The following FGF14 variants were observed in gnomAD, a reference collection of about 807,000 sequenced individuals.
The protein encoded by FGF14 is fibroblast growth factor 14, also known as fibroblast growth factor homologous factor 4.
FGF14 carries 5 observed loss-of-function variants against 25.5 expected under a neutral mutation model. The observed-to-expected ratio is 0.20, with a 90% CI of 0.10 to 0.41. The LOEUF is 0.41. FGF14 is among the 10% of genes least tolerant of loss of function. The pLI is 1.00. For synonymous variants in FGF14, 138 were observed against 118.3 expected (o/e 1.17, Z -1.08); for missense variants, 222 against 320.1 (o/e 0.69, Z 2.34).
At chr13:102,127,439 G>C (rs779130485) in intron 1 of FGF14, among the ~76,000 whole-genome samples, 2 of 152,078 alleles carry the variant, frequency 1.3e-5, no homozygotes, top group Non-Finnish European at 1.5e-5. Context: ...AAGTTGTAAC[G>C]CAAGGCTTCA....
At chr13:102,102,836 G>A (rs1386179997) in intron 1 of FGF14, among the ~76,000 whole-genome samples, 2 of 152,132 alleles carry the variant, frequency 1.3e-5, no homozygotes, top group Non-Finnish European at 2.9e-5. Flanking sequence ...TTACATTCAA[G>A]TAAAGGACTC....
intron 2 of FGF14, 60 bp downstream of exon 2, chr13:101,875,126 T>C (rs2045323464): frequency 8.8e-6 from 10 of 1,132,270 alleles, no homozygotes; most frequent in Non-Finnish European, 1.3e-5. Context: ...TAAAAAGTCA[T>C]TTAAGTAGCA....
At chr13:101,834,612 T>C (rs1040723725) in intron 3 of FGF14, among the ~76,000 whole-genome samples, 13 of 152,036 alleles carry the variant, frequency 8.6e-5, no homozygotes, top group Admixed American at 8.5e-4. Flanking sequence ...GAAAAAGAAC[T>C]GAATACATTT....
intron 1 of FGF14, among the ~76,000 whole-genome samples, chr13:102,122,867 T>C (rs1292170723): frequency 2.0e-5 from 3 of 152,212 alleles, no homozygotes; most frequent in Non-Finnish European, 4.4e-5. Context: ...ACTCTCTCCA[T>C]TTTACAGATG....
chr13:102,083,551 G>T (rs944520813), intron 1 of FGF14, among the ~76,000 whole-genome samples: 1 of 152,082 alleles, frequency 6.6e-6, no homozygotes, highest in Admixed American at 6.6e-5. Context: ...CAAGTCTTTA[G>T]ACAAAGCTTA....
At chr13:102,066,839 T>TG (rs1298172533) in intron 1 of FGF14, among the ~76,000 whole-genome samples, 1 of 152,202 alleles carries the variant, frequency 6.6e-6, no homozygotes, top group Non-Finnish European at 1.5e-5. Context: ...AGGCTGTCCA[T>TG]GAACCTCCAG....
intron 1 of FGF14, among the ~76,000 whole-genome samples, chr13:102,011,972 T>C (rs115084070): frequency 1.5e-3 from 233 of 152,282 alleles, no homozygotes; most frequent in African/African-American, 5.4e-3. Flanking sequence ...GGTAATAAAT[T>C]CGTTCTTTTA....
chr13:102,378,627 C>T (rs375153832), intron 1 of FGF14, among the ~76,000 whole-genome samples: 1 of 132,652 alleles, frequency 7.5e-6, no homozygotes, highest in African/African-American at 2.9e-5. Context: ...ATCTATCTAT[C>T]TATCTATATA....
intron 1 of FGF14, among the ~76,000 whole-genome samples, chr13:102,222,096 A>G (rs1246439006): frequency 1.3e-5 from 2 of 152,212 alleles, no homozygotes; most frequent in East Asian, 3.8e-4. Context: ...GTCTTCAGAG[A>G]CTATGAAGCT....
chr13:102,079,726 C>T lies in FGF14; in HGVS notation c.209-204430G>A, dbSNP rs568676072. Among the ~76,000 whole-genome samples the T allele has an allele frequency of 5.3e-5, 8 of 152,244 alleles. No homozygotes were observed. In the East Asian group the frequency reaches 9.6e-4, roughly 18 times the overall value. On this transcript the variant is annotated intron_variant, in intron 1 of 4. Coordinates refer to the FGF14 transcript ENST00000376131. ...GACTCTGTACATCACAAATACTATA[C>T]GTACACACTGACTACATATACACAC...
chr13:101,912,760 T>C (rs952886725), intron 1 of FGF14, among the ~76,000 whole-genome samples: 1 of 152,150 alleles, frequency 6.6e-6, no homozygotes, highest in Admixed American at 6.5e-5. Context: ...AAAAAAGGTA[T>C]AAAATTTGAA....
chr13:101,823,628 G>C (rs889061826), intron 3 of FGF14, among the ~76,000 whole-genome samples: 1 of 150,236 alleles, frequency 6.7e-6, no homozygotes, highest in Non-Finnish European at 1.5e-5. Flanking sequence ...GTAGAGACGG[G>C]GTTTCTCCAT....
chr13:102,013,015 T>C (rs2040159377), intron 1 of FGF14, among the ~76,000 whole-genome samples: 6 of 152,072 alleles, frequency 3.9e-5, no homozygotes, highest in Admixed American at 6.6e-5. Context: ...AAAACATAGA[T>C]ACTAACACAG....
chr13:101,881,962 G>T (rs1244725308), intron 1 of FGF14, among the ~76,000 whole-genome samples: 6 of 152,136 alleles, frequency 3.9e-5, no homozygotes, highest in African/African-American at 1.2e-4. Context: ...GAGTACATAT[G>T]TCCCAGATTA....
rs1009221760 is a variant in FGF14, at chr13:101,836,909, T to A, written c.408+31816A>T. Among the ~76,000 whole-genome samples, 17 of 152,086 alleles carry A rather than the reference T, an allele frequency of 1.1e-4. No homozygotes were observed. In the South Asian group the frequency reaches 3.5e-3, roughly 31 times the overall value. On this transcript the variant is annotated intron_variant, in intron 3 of 4. Transcript: ENST00000376143. ...TGATGATTTTTGTATAAATAGTTCA[T>A]GTTTATAGAGCTCATATTTCAATTC...
At chr13:101,791,752 G>T (rs2040247336) in intron 3 of FGF14, among the ~76,000 whole-genome samples, 1 of 151,252 alleles carries the variant, frequency 6.6e-6, no homozygotes, top group African/African-American at 2.4e-5. Flanking sequence ...AGTAAAATGT[G>T]CAAATGTTCA....
upstream of FGF14, among the ~76,000 whole-genome samples, chr13:101,917,066 G>T (rs2033596542): frequency 2.0e-5 from 3 of 151,392 alleles, no homozygotes; most frequent in Admixed American, 2.0e-4. Context: ...CGGCTCCCCG[G>T]GCGCCGGCTG....
chr13:102,161,570 A>AAAGAAGAAAGAAGAAAGAAGAAG lies in FGF14; in HGVS notation c.208+239900_208+239901insCTTCTTCTTTCTTCTTTCTTCTT, dbSNP rs1555369389. Among the ~76,000 whole-genome samples, 4 of 5,652 alleles carry AAAGAAGAAAGAAGAAAGAAGAAG rather than the reference A, an allele frequency of 7.1e-4. 1 individual carries two copies. Among genetic ancestry groups the AAAGAAGAAAGAAGAAAGAAGAAG allele is most frequent in the Non-Finnish European group, 7.2e-4 (3 of 4,184 alleles). 3.7% of individuals were successfully genotyped at this position (5,652 alleles called of 152,430 possible). A position where few individuals can be genotyped will look rare whatever the true frequency, so the allele number is the denominator to read the frequency against. On this transcript the variant is annotated intron_variant, in intron 1 of 4. Transcript: ENST00000376131. Reference sequence around the variant, plus strand: ...TCTATGCAACCAACTTTCTGTGAAGAAAGAAAGAAGAAGAAGAAGAAGAAG... The same window carrying AAAGAAGAAAGAAGAAAGAAGAAG: ...TCTATGCAACCAACTTTCTGTGAAGAAAGAAGAAAGAAGAAAGAAGAAGAAGAAAGAAGAAGAAGAAGAAGAAG...
chr13:102,334,071 A>G (rs1220571743), intron 1 of FGF14, among the ~76,000 whole-genome samples: 1 of 152,172 alleles, frequency 6.6e-6, no homozygotes, highest in Non-Finnish European at 1.5e-5. Flanking sequence ...CATGCACAGA[A>G]AGATGACGTC....
Sources: allele counts gnomAD v4.1 joint callset (sites outside exome capture counted in the v4.1 genomes callset), GRCh38; gene constraint gnomAD v4.1.1; transcripts MANE v1.5; gene names NCBI Gene and HGNC (gene_info 2026-07-23, HGNC 2026-07-21).